Variants in SH2D3A observed in about 807,000 individuals in gnomAD.
SH2D3A encodes SH2 domain containing 3A.
In SH2D3A, 46 loss-of-function variants were observed where a neutral mutation model predicts 50.6. That is an observed-to-expected ratio of 0.91 (90% CI 0.72 to 1.16). SH2D3A has a LOEUF of 1.16. SH2D3A is among the 50% of genes most tolerant of loss of function. The pLI is 0.00. For synonymous variants in SH2D3A, 377 were observed against 348.4 expected (o/e 1.08, Z -0.91); for missense variants, 783 against 786.2 (o/e 1.00, Z 0.05).
At position 6,752,700 on chromosome 19, in the gene SH2D3A, T is replaced by C; in HGVS notation, c.1624A>G (p.Arg542Gly). The C allele has an allele frequency of 1.9e-6, 3 of 1,552,672 alleles. No individual in the cohort carries two copies. Among genetic ancestry groups the C allele is most frequent in the South Asian group, 2.4e-5 (2 of 84,206 alleles). The change falls in exon 10 of 10, where the codon AGG (arginine) becomes GGG (glycine). Residue 542 changes from arginine to glycine, a missense_variant. Transcript: ENST00000245908. ...REALTTGFVRRLLWGSRGAGA... is the reference protein window; with the variant it reads ...REALTTGFVRGLLWGSRGAGA... ...GCGCCCCGGCTACCCCAGAGCAGCC[T>C]CCGCACGAAGCCGGTGGTCAGGGCC...
At chr19:6,759,406 C>G (rs990640162) in intron 4 of SH2D3A, 188 bp downstream of exon 4, 2 of 554,574 alleles carry the variant, frequency 3.6e-6, no homozygotes, top group African/African-American at 3.8e-5. Context: ...AGCCACCGCG[C>G]TCAGCCTTGT....
At chr19:6,759,075 T>A (rs866339925) in intron 4 of SH2D3A, 1 of 152,812 alleles carries the variant, frequency 6.5e-6, no homozygotes, top group African/African-American at 2.4e-5. Context: ...CAAGGTAAGC[T>A]GTGGTCAGAA....
intron 2 of SH2D3A, among the ~76,000 whole-genome samples, chr19:6,761,954 C>CAAAAA (rs111334954): frequency 3.0e-5 from 2 of 67,460 alleles, no homozygotes; most frequent in African/African-American, 1.1e-4. Flanking sequence ...GTCTCAAAAA[C>CAAAAA]AAAAAAAAAA....
At chr19:6,753,071 G>A (rs951475180) in intron 9 of SH2D3A, 2 of 985,242 alleles carry the variant, frequency 2.0e-6, no homozygotes, top group South Asian at 4.7e-5. Flanking sequence ...CCAGGTTGTC[G>A]GGGAAGGTGG....
chr19:6,754,818 G>A lies in SH2D3A; in HGVS notation c.981+13C>T. ...CCTGGGCCTGGGGAGGAGCATCCCA[G>A]GAGGTGACCCACCTGGCAGTCTACC... On this transcript the variant is annotated intron_variant, in intron 5 of 9. Coordinates refer to ENST00000245908, the MANE Select transcript of SH2D3A (RefSeq NM_005490.3). 6.2e-7 allele frequency: 1 copy of A among 1,609,148 alleles called. No homozygotes were observed. The highest frequency in any genetic ancestry group is 8.5e-7 in the Non-Finnish European group (1 of 1,176,622).
chr19:6,753,903 G>T, intron 8 of SH2D3A, 149 bp downstream of exon 8: 3 of 1,075,976 alleles, frequency 2.8e-6, no homozygotes, highest in Non-Finnish European at 3.9e-6. Context: ...TAGGGAAAGG[G>T]CCAGGACCAA....
chr19:6,753,711 G>A, intron 8 of SH2D3A, 70 bp from the exon 9 acceptor site: 1 of 1,396,196 alleles, frequency 7.2e-7, no homozygotes, highest in Middle Eastern at 2.4e-4. Flanking sequence ...TGGAACCTAG[G>A]ACAAATGCAG....
chr19:6,757,765 G>T, intron 4 of SH2D3A: 1 of 152,224 alleles, frequency 6.6e-6, no homozygotes, highest in Non-Finnish European at 1.5e-5. Context: ...ACCAACATGG[G>T]GAAACCCCAT....
Position 6,754,598 on chromosome 19 carries a change from T to A in SH2D3A, c.1097+18A>T, listed in dbSNP as rs375572349. On this transcript the variant is annotated intron_variant, in intron 6 of 9. Coordinates refer to ENST00000245908, the MANE Select transcript of SH2D3A (RefSeq NM_005490.3). ...GGAATTGGCCTCCCCCAACCAAGAT[T>A]ACAAGCTGCTGGCTCACCTCTCCAG... 6.8e-6 allele frequency: 11 copies of A among 1,613,896 alleles called. No individual in the cohort carries two copies. Among genetic ancestry groups the A allele is most frequent in the South Asian group, 1.1e-5 (1 of 91,084 alleles).
intron 4 of SH2D3A, among the ~76,000 whole-genome samples, chr19:6,757,015 C>T (rs867372208): frequency 7.4e-4 from 112 of 152,190 alleles, no homozygotes; most frequent in African/African-American, 2.6e-3. Flanking sequence ...GGACCACAGG[C>T]GCCACCACAC....
chr19:6,753,968 A>T, intron 8 of SH2D3A, 84 bp downstream of exon 8: 1 of 1,437,088 alleles, frequency 7.0e-7, no homozygotes, highest in Non-Finnish European at 9.3e-7. Context: ...GAACAGATGC[A>T]GGGACTGGGC....
intron 6 of SH2D3A, 28 bp from the exon 7 acceptor site, chr19:6,754,453 G>T: frequency 1.3e-6 from 2 of 1,530,362 alleles, no homozygotes; most frequent in Non-Finnish European, 1.7e-6. Flanking sequence ...AAGGGTCTGG[G>T]GGAAGTGGGG....
chr19:6,760,451 T>C (rs947820055), intron 3 of SH2D3A, among the ~76,000 whole-genome samples, 187 bp downstream of exon 3: 8 of 143,632 alleles, frequency 5.6e-5, no homozygotes, highest in African/African-American at 2.1e-4. Flanking sequence ...CCAGCTACTC[T>C]GGAGGCTGAG....
intron 6 of SH2D3A, 22 bp from the exon 7 acceptor site, chr19:6,754,447 G>A: frequency 6.5e-7 from 1 of 1,533,102 alleles, no homozygotes; most frequent in Non-Finnish European, 8.7e-7. Context: ...GAGGGCAAGG[G>A]TCTGGGGGAA....
Position 6,753,606 on chromosome 19 carries a change from C to G in SH2D3A, c.1420G>C (p.Val474Leu). The change falls in exon 9 of 10, where the codon GTG becomes CTG. Residue 474 changes from valine to leucine, a missense_variant. Val to Leu is a conservative substitution (Grantham distance 32). Transcript: ENST00000245908. ...CDPGEVALPH[V>L]APMVRLLEGE... ...TCCAGTAGGCGAACCATGGGTGCCA[C>G]GTGCGGCAGCGCCACCTCGCCGGGG... 1 of 1,588,664 alleles carries G rather than the reference C, an allele frequency of 6.3e-7. No homozygotes were observed. Among genetic ancestry groups the G allele is most frequent in the South Asian group, 1.1e-5 (1 of 87,560 alleles).
intron 3 of SH2D3A, 79 bp from the exon 4 acceptor site, chr19:6,759,749 C>A: frequency 1.4e-6 from 2 of 1,430,166 alleles, no homozygotes; most frequent in South Asian, 2.4e-5. Context: ...ACCCTGTGTC[C>A]AGTTACTCTG....
intron 9 of SH2D3A, 149 bp from the exon 10 acceptor site, chr19:6,752,902 T>A (rs868740388): frequency 2.1e-6 from 3 of 1,398,476 alleles, no homozygotes; most frequent in Non-Finnish European, 1.9e-6. Flanking sequence ...CTAGGCGGGG[T>A]CAGAGGGGAG....
At chr19:6,760,092 TAGCC>T (rs1269138966) in intron 3 of SH2D3A, among the ~76,000 whole-genome samples, 6 of 151,010 alleles carry the variant, frequency 4.0e-5, no homozygotes, top group African/African-American at 1.5e-4. Context: ...TACAAAAAAT[TAGCC>T]AGGCGTGGTG....
chr19:6,752,563 T>TCCCGGG lies in SH2D3A; in HGVS notation c.*24_*29dup. 1.3e-6 allele frequency: 2 copies of TCCCGGG among 1,492,404 alleles called. No homozygotes were observed. Among genetic ancestry groups the TCCCGGG allele is most frequent in the Non-Finnish European group, 1.8e-6 (2 of 1,115,846 alleles). 92.4% of individuals were successfully genotyped at this position (1,492,404 alleles called of 1,614,324 possible). A position where few individuals can be genotyped will look rare whatever the true frequency, so the allele number is the denominator to read the frequency against. ...TCTGGGGTTCGCAAAAACCTGGGGG[T>TCCCGGG]CCCGGGTGTGAAGAAGGGTGTCTGC... On this transcript the variant is annotated 3_prime_UTR_variant, in exon 10 of 10. Coordinates refer to ENST00000245908, the MANE Select transcript of SH2D3A (RefSeq NM_005490.3).
Sources: gnomAD v4.1 joint callset for allele counts (sites outside exome capture counted in the v4.1 genomes callset) on GRCh38, gnomAD v4.1.1 for gene constraint, MANE v1.5 for transcripts, NCBI Gene and HGNC (gene_info 2026-07-23, HGNC 2026-07-21) for gene names.